HIPK2: variants seen among roughly 807,000 people sequenced by gnomAD.
The protein encoded by HIPK2 is homeodomain-interacting protein kinase 2.
Under a neutral mutation model 113.7 loss-of-function variants are expected in HIPK2, and 27 were observed. The ratio of observed to expected loss-of-function variants is 0.24; its 90% CI spans 0.17 to 0.33. The LOEUF (loss-of-function observed/expected upper bound fraction) is 0.33, where lower values mean the gene tolerates loss of function less well. HIPK2 is among the 10% of genes least tolerant of loss of function. HIPK2 has a pLI of 1.00. For missense variants in HIPK2, 1,257 were observed against 1,588.0 expected, an observed-to-expected ratio of 0.79 and a Z score of 3.54; for synonymous variants, 631 against 642.2, an observed-to-expected ratio of 0.98 and a Z score of 0.26.
At chr7:139,730,632 A>AT (rs1429004675) in intron 1 of HIPK2, among the ~76,000 whole-genome samples, 1 of 152,202 alleles carries the variant, frequency 6.6e-6, no homozygotes, top group Non-Finnish European at 1.5e-5. Context: ...AAGTGCTAGG[A>AT]TTATAGGCAT....
intron 2 of HIPK2, among the ~76,000 whole-genome samples, chr7:139,670,850 G>A (rs1045680228): frequency 3.8e-5 from 5 of 133,268 alleles, no homozygotes; most frequent in Admixed American, 3.5e-4. Context: ...TGCCCTCTCC[G>A]CCTTCCAGAT....
chr7:139,650,206 T>G (rs1801405952), intron 2 of HIPK2, among the ~76,000 whole-genome samples: 2 of 151,864 alleles, frequency 1.3e-5, no homozygotes. Flanking sequence ...AAAAATTAGC[T>G]GGGTGTGGTA....
chr7:139,596,826 G>C lies in HIPK2; in HGVS notation c.2608C>G (p.Arg870Gly). The C allele has an allele frequency of 1.2e-6, 2 of 1,613,954 alleles. No individual in the cohort carries two copies. The highest frequency in any genetic ancestry group is 1.1e-5 in the South Asian group (1 of 91,078). Residue 870 changes from arginine (R) to glycine (G), a missense_variant, in exon 12 of 15, where the codon CGG becomes GGG. Coordinates refer to ENST00000406875, the MANE Select transcript of HIPK2 (RefSeq NM_022740.5). ...GDVASSTTRE[R>G]QRQTIVIPDT... The stretch of plus-strand genomic sequence containing the variant: ...GGAATGACAATTGTCTGCCGCTGCC[G>C]TTCCCGGGTGGTGCTGGAGGCCACG...
chr7:139,587,515 C>CAAAAAAAAAAAAAAAAAAAAAAA, intron 12 of HIPK2, among the ~76,000 whole-genome samples: 1 of 126,894 alleles, frequency 7.9e-6, no homozygotes, highest in Non-Finnish European at 1.7e-5. Context: ...AAAAAAAAAG[C>CAAAAAAAAAAAAAAAAAAAAAAA]AAAAGAGATT....
intron 9 of HIPK2, among the ~76,000 whole-genome samples, chr7:139,605,235 G>GGTGTGTGT (rs34675356): frequency 3.7e-4 from 55 of 147,656 alleles, no homozygotes; most frequent in African/African-American, 1.2e-3. Flanking sequence ...TAGATTCACT[G>GGTGTGTGT]GTGTGTGTGT....
intron 1 of HIPK2, among the ~76,000 whole-genome samples, chr7:139,766,347 A>G (rs145052924): frequency 5.1e-4 from 78 of 152,350 alleles, no homozygotes; most frequent in African/African-American, 1.7e-3. Context: ...CAGTAAGAGT[A>G]TTCCTGAATA....
chr7:139,668,199 T>C (rs1802124997), intron 2 of HIPK2, among the ~76,000 whole-genome samples: 1 of 151,872 alleles, frequency 6.6e-6, no homozygotes, highest in African/African-American at 2.4e-5. Context: ...AACGGTATCT[T>C]ATGCAATAAT....
chr7:139,730,515 C>T (rs1159084617), intron 1 of HIPK2, among the ~76,000 whole-genome samples: 6 of 152,248 alleles, frequency 3.9e-5, no homozygotes, highest in East Asian at 3.9e-4. Flanking sequence ...CATGAGCCAA[C>T]ATGCCCGGCT....
intron 1 of HIPK2, among the ~76,000 whole-genome samples, chr7:139,765,380 G>A (rs58466975): frequency 2.6e-4 from 39 of 152,264 alleles, no homozygotes; most frequent in African/African-American, 8.9e-4. Context: ...TTCATCTACA[G>A]CTTCTAATCT....
At chr7:139,663,396 T>C (rs905301071) in intron 2 of HIPK2, among the ~76,000 whole-genome samples, 6 of 151,382 alleles carry the variant, frequency 4.0e-5, no homozygotes, top group African/African-American at 7.3e-5. Context: ...ACAGGGGCCC[T>C]GAATGCTGGC....
chr7:139,751,459 A>G (rs1796276221), intron 1 of HIPK2, among the ~76,000 whole-genome samples: 2 of 147,476 alleles, frequency 1.4e-5, no homozygotes, highest in South Asian at 4.4e-4. Context: ...CATGTTACCC[A>G]GTTATAGCCT....
intron 1 of HIPK2, among the ~76,000 whole-genome samples, chr7:139,740,324 G>C (rs1796062994): frequency 6.6e-6 from 1 of 152,224 alleles, no homozygotes; most frequent in South Asian, 2.1e-4. Flanking sequence ...TGCTTAGCCT[G>C]GTATCGCCCC....
chr7:139,589,066 T>C (rs1798931937), intron 12 of HIPK2, among the ~76,000 whole-genome samples: 1 of 152,200 alleles, frequency 6.6e-6, no homozygotes, highest in African/African-American at 2.4e-5. Flanking sequence ...GGATGGAGGC[T>C]GACTCCCAAA....
intron 1 of HIPK2, among the ~76,000 whole-genome samples, chr7:139,757,756 G>A (rs964971394): frequency 2.4e-4 from 36 of 152,162 alleles, no homozygotes; most frequent in African/African-American, 8.4e-4. Flanking sequence ...TGACAAAAAT[G>A]TTGTAAAATT....
chr7:139,639,485 C>T (rs749753118), intron 2 of HIPK2, among the ~76,000 whole-genome samples: 105 of 152,206 alleles, frequency 6.9e-4, no homozygotes, highest in Non-Finnish European at 1.4e-3. Context: ...CCCTGCAGCT[C>T]TTCCAGGAGT....
rs150253003 is a variant in HIPK2 at position 139,602,643 on chromosome 7, T to C, written c.2255+1438A>G. ...GGCGAGGGAAAAAAAAAAACCCAGT[T>C]GGTCAGACAGCTTTCCACTCGGCTG... On this transcript the variant is annotated intron_variant, in intron 10 of 14. Transcript: ENST00000406875. Among the ~76,000 whole-genome samples the C allele has an allele frequency of 4.6e-3, 691 of 150,554 alleles. 7 individuals carry two copies. Among genetic ancestry groups the C allele is most frequent in the African/African-American group, 0.016 (646 of 41,130 alleles).
Position 139,716,581 on chromosome 7 carries a change from G to A in HIPK2, c.454C>T (p.Pro152Ser). 1 of 1,613,982 alleles carries A rather than the reference G, an allele frequency of 6.2e-7. No individual in the cohort carries two copies. The highest frequency in any genetic ancestry group is 8.5e-7 in the Non-Finnish European group (1 of 1,179,894). The change falls in exon 2 of 15, where the codon CCC becomes TCC. Residue 152 changes from proline (P) to serine (S), a missense_variant. By Grantham distance (74) the Pro-to-Ser change is moderately conservative. This residue lies in a region of HIPK2 where 209 missense variants were observed against 237.8 expected (regional missense o/e 0.88). Coordinates refer to ENST00000406875, the MANE Select transcript of HIPK2 (RefSeq NM_022740.5). The surrounding 1 kb of genome is among the most constrained non-coding windows in gnomAD (Gnocchi z 9.3). ...CCGCTTGCATTATTCTGAATCATGG[G>A]TGGATGCTCCTCGATGATCTGCACG... is the stretch of plus-strand genomic sequence containing the variant. ...SSVQIIEEHP[P>S]MIQNNASGAT...
chr7:139,655,198 T>A (rs995333099), intron 2 of HIPK2, among the ~76,000 whole-genome samples: 1 of 152,182 alleles, frequency 6.6e-6, no homozygotes, highest in East Asian at 1.9e-4. Flanking sequence ...ATGACAAGGA[T>A]CACAGTCAGT....
chr7:139,591,438 C>T (rs1799020312), intron 12 of HIPK2, among the ~76,000 whole-genome samples: 1 of 152,262 alleles, frequency 6.6e-6, no homozygotes, highest in Non-Finnish European at 1.5e-5. Context: ...TCAGTCTATC[C>T]ACTGAGCACC....
Sources: gnomAD v4.1 joint callset for allele counts (sites outside exome capture counted in the v4.1 genomes callset) on GRCh38, gnomAD v4.1.1 for gene constraint, gnomAD v4.1.1 regional missense constraint, Gnocchi (gnomAD v3.1) non-coding constraint, MANE v1.5 for transcripts, NCBI Gene and HGNC (gene_info 2026-07-23, HGNC 2026-07-21) for gene names.